SHISA7: variants seen among roughly 807,000 people sequenced by gnomAD.
SHISA7 encodes protein shisa-7.
SHISA7 carries 6 observed loss-of-function variants against 23.9 expected under a neutral mutation model. The observed-to-expected ratio is 0.25, with a 90% CI of 0.14 to 0.50. The LOEUF (loss-of-function observed/expected upper bound fraction) is 0.50, where lower values mean the gene tolerates loss of function less well. Ranked by LOEUF, SHISA7 falls within the 20% of genes least tolerant of loss-of-function variation. The pLI is 0.98. For synonymous variants in SHISA7, 386 were observed against 398.3 expected (o/e 0.97, Z 0.37); for missense variants, 671 against 801.1 (o/e 0.84, Z 1.96).
chr19:55,442,561 GC>G lies in SHISA7; in HGVS notation c.302del (p.Gly101AlafsTer43). On this transcript the variant is annotated frameshift_variant, in exon 1 of 4. Transcript: ENST00000376325. LOFTEE classifies it high-confidence loss of function. The part of the protein sequence containing the change: ...QYDATFNCST[G>X]SYRFCCGTCH... Reference sequence around the variant, plus strand: ...AGGTGCCACAGCAGAAGCGGTAGGAGCCGGTGCTGCAGTTGAAGGTGGCGTC... The same window carrying G: ...AGGTGCCACAGCAGAAGCGGTAGGAGCGGTGCTGCAGTTGAAGGTGGCGTC... 6.8e-7 allele frequency: 1 copy of G among 1,479,486 alleles called. No individual in the cohort carries two copies. The highest frequency in any genetic ancestry group is 9.0e-7 in the Non-Finnish European group (1 of 1,110,278). The allele number at this position is 1,479,486 out of a possible 1,614,324, so 91.6% of individuals were successfully genotyped here.
intron 3 of SHISA7, among the ~76,000 whole-genome samples, chr19:55,434,900 G>GTA (rs1985376863): frequency 7.9e-6 from 1 of 126,868 alleles, no homozygotes; most frequent in Non-Finnish European, 1.6e-5. Flanking sequence ...TGGTGTGTGT[G>GTA]GTGTGTGTGT....
In SHISA7 at chr19:55,432,823, C is replaced by T. The variant is rs1985242344; in HGVS notation, c.*333G>A. The T allele has an allele frequency of 3.6e-6, 1 of 280,540 alleles. No homozygotes were observed. The highest frequency in any genetic ancestry group is 6.7e-6 in the Non-Finnish European group (1 of 148,596). The allele number at this position is 280,540 out of a possible 1,614,324, so 17.4% of individuals were successfully genotyped here. A position where few individuals can be genotyped will look rare whatever the true frequency, so the allele number is the denominator to read the frequency against. On this transcript the variant is annotated 3_prime_UTR_variant, in exon 4 of 4. Coordinates refer to ENST00000376325, the MANE Select transcript of SHISA7 (RefSeq NM_001145176.2). This position sits in a 1 kb window ranked among gnomAD's most constrained non-coding sequence, Gnocchi z 4.6. ...CATGGACATGGCCTCCAGCGCTGAC[C>T]TCACGGGCCGGCCTCTTCCTCTGTG...
In SHISA7 at chr19:55,430,783, T is replaced by TGACA. The variant is rs1389470958; in HGVS notation, c.*2369_*2372dup. 101 of 150,874 alleles carry TGACA rather than the reference T, an allele frequency of 6.7e-4. No homozygotes were observed. The highest frequency in any genetic ancestry group is 2.1e-3 in the African/African-American group (86 of 40,706). The allele number at this position is 150,874 out of a possible 1,614,324, so 9.3% of individuals were successfully genotyped here. ...GGTTATGGCGGATCCTAGTGGATGG[T>TGACA]GACAGCACTGGACCTCATGGATCCT... On this transcript the variant is annotated 3_prime_UTR_variant, in exon 4 of 4. Transcript: ENST00000376325.
In SHISA7 at chr19:55,442,352, C is replaced by T. The variant is rs751540491; in HGVS notation, c.512G>A (p.Gly171Glu). Residue 171 changes from glycine (G) to glutamate (E), a missense_variant, in exon 1 of 4, where the codon GGG becomes GAG. Gly to Glu is a moderately conservative substitution (Grantham distance 98, BLOSUM62 -2). Transcript: ENST00000376325. ...QAGWLEGGRTGGAGGRGGEGP... is the reference protein window; with the variant it reads ...QAGWLEGGRTEGAGGRGGEGP... ...CTCGCCCCCGCGGCCCCCGGCACCC[C>T]CAGTCCGGCCCCCTTCCAACCACCC... 41 of 1,445,208 alleles carry T rather than the reference C, an allele frequency of 2.8e-5. 1 individual carries two copies. The South Asian group carries it at 5.3e-4, about 19-fold the overall frequency. 89.5% of individuals were successfully genotyped at this position (1,445,208 alleles called of 1,614,324 possible). A position where few individuals can be genotyped will look rare whatever the true frequency, so the allele number is the denominator to read the frequency against.
intron 2 of SHISA7, 85 bp downstream of exon 2, chr19:55,440,526 G>A (rs2123356986): frequency 1.7e-6 from 2 of 1,203,344 alleles, no homozygotes; most frequent in South Asian, 4.2e-5. Flanking sequence ...GGCGATGGGG[G>A]TGGAGCCGCC....
chr19:55,435,083 GTGTGTGGT>G (rs1985398784), intron 3 of SHISA7, among the ~76,000 whole-genome samples: 4 of 52,294 alleles, frequency 7.6e-5, no homozygotes, highest in African/African-American at 2.7e-4. Flanking sequence ...TGTGTGTGGT[GTGTGTGGT>G]GTGTGTGTAT....
rs1213082805 is a variant in SHISA7, at chr19:55,433,808, G to C, written c.977-12C>G. On this transcript the variant is annotated splice_polypyrimidine_tract_variant and intron_variant, in intron 3 of 3. Coordinates refer to ENST00000376325, the MANE Select transcript of SHISA7 (RefSeq NM_001145176.2). This position sits in a 1 kb window ranked among gnomAD's most constrained non-coding sequence, Gnocchi z 8.4. ...CAGATCCTTCTCGGCTGCGGGGAGA[G>C]GGGGAAAAGCCACAGCCGTGGGTCC... The C allele has an allele frequency of 1.4e-6, 2 of 1,387,472 alleles. No individual in the cohort carries two copies. The highest frequency in any genetic ancestry group is 1.5e-5 in the African/African-American group (1 of 65,584). The allele number at this position is 1,387,472 out of a possible 1,614,324, so 85.9% of individuals were successfully genotyped here.
rs1599873682 is a variant in SHISA7, at chr19:55,437,878, C to T, written c.827-124G>A. The T allele has an allele frequency of 3.2e-6, 4 of 1,236,238 alleles. No homozygotes were observed. In the Admixed American group the frequency reaches 8.7e-5, roughly 27 times the overall value. 76.6% of individuals were successfully genotyped at this position (1,236,238 alleles called of 1,614,324 possible). A position where few individuals can be genotyped will look rare whatever the true frequency, so the allele number is the denominator to read the frequency against. On this transcript the variant is annotated intron_variant, in intron 2 of 3. Transcript: ENST00000376325. Reference sequence around the variant, plus strand: ...AAACCCAGCCCCTCTTCCTTCAGACCCAGGAGTGCAGGCCCCCAGCCCCTC... The same window carrying T: ...AAACCCAGCCCCTCTTCCTTCAGACTCAGGAGTGCAGGCCCCCAGCCCCTC...
intron 2 of SHISA7, among the ~76,000 whole-genome samples, chr19:55,439,829 G>A (rs1391265057): frequency 1.4e-5 from 2 of 146,502 alleles, no homozygotes; most frequent in Non-Finnish European, 3.0e-5. Flanking sequence ...CCCTTCTAAC[G>A]CCTCTCCTCC....
At position 55,441,648 on chromosome 19, in the gene SHISA7, T is replaced by C. The variant is rs569805776; in HGVS notation, c.671+545A>G. The stretch of plus-strand genomic sequence containing the variant: ...TTTCCGCTGATTTTCTTCACAGCAG[T>C]CATCTAAAATTACACTGCACATGCT... On this transcript the variant is annotated intron_variant, in intron 1 of 3. Transcript: ENST00000376325. Among the ~76,000 whole-genome samples, 102 of 152,266 alleles carry C rather than the reference T, an allele frequency of 6.7e-4. 3 individuals are homozygous for C. In the South Asian group the frequency reaches 0.021, roughly 31 times the overall value.
intron 3 of SHISA7, among the ~76,000 whole-genome samples, chr19:55,435,447 G>T (rs1807354076): frequency 6.7e-6 from 1 of 149,822 alleles, no homozygotes; most frequent in Non-Finnish European, 1.5e-5. Context: ...TAAAGGATGA[G>T]ATTTAGTTTA....
chr19:55,435,122 GGTGTGTGTGGTGTATGTGTATGGTGT>G, intron 3 of SHISA7, among the ~76,000 whole-genome samples: 1 of 115,038 alleles, frequency 8.7e-6, no homozygotes, highest in South Asian at 3.4e-4. Context: ...TGGTGTGTGT[GGTGTGTGTGGTGTATGTGTATGGTGT>G]GTGTGTGTGG....
At position 55,433,904 on chromosome 19, in the gene SHISA7, G is replaced by A; in HGVS notation, c.977-108C>T. On this transcript the variant is annotated intron_variant, in intron 3 of 3. Coordinates refer to ENST00000376325, the MANE Select transcript of SHISA7 (RefSeq NM_001145176.2). This position sits in a 1 kb window ranked among gnomAD's most constrained non-coding sequence, Gnocchi z 8.4. The stretch of plus-strand genomic sequence containing the variant: ...TCCTATGCTCCTTGTGCCCCCACAA[G>A]GATCCTGGGCATCAGGCTAGCTGTG... 1 of 1,249,828 alleles carries A rather than the reference G, an allele frequency of 8.0e-7. No individual in the cohort carries two copies. 77.4% of individuals were successfully genotyped at this position (1,249,828 alleles called of 1,614,324 possible).
At chr19:55,435,116 GTGTGTGGT>G in intron 3 of SHISA7, among the ~76,000 whole-genome samples, 2 of 123,240 alleles carry the variant, frequency 1.6e-5, no homozygotes, top group Non-Finnish European at 3.4e-5. Context: ...TGTGTGTGGT[GTGTGTGGT>G]GTGTGTGGTG....
intron 3 of SHISA7, among the ~76,000 whole-genome samples, chr19:55,434,329 GTGGTGTGTGTGC>G (rs1348994434): frequency 1.1e-4 from 15 of 137,254 alleles, no homozygotes; most frequent in Middle Eastern, 4.0e-3. Context: ...TGTGTGGTGT[GTGGTGTGTGTGC>G]GTGTGTGGTG....
intron 3 of SHISA7, among the ~76,000 whole-genome samples, chr19:55,436,115 C>G (rs922631216): frequency 4.0e-5 from 6 of 151,664 alleles, no homozygotes; most frequent in Non-Finnish European, 7.4e-5. Context: ...GGTGAAACCC[C>G]GTCTCTATTA....
chr19:55,442,401 C>T lies in SHISA7; in HGVS notation c.463G>A (p.Gly155Arg), dbSNP rs1037966359. 4.4e-6 allele frequency: 6 copies of T among 1,371,212 alleles called. No individual in the cohort carries two copies. In the African/African-American group the frequency reaches 7.6e-5, roughly 17 times the overall value. The allele number at this position is 1,371,212 out of a possible 1,614,324, so 84.9% of individuals were successfully genotyped here. A position where few individuals can be genotyped will look rare whatever the true frequency, so the allele number is the denominator to read the frequency against. The change falls in exon 1 of 4, where the codon GGG (glycine) becomes AGG (arginine). Residue 155 changes from glycine to arginine, a missense_variant. By Grantham distance (125) the Gly-to-Arg change is moderately radical (BLOSUM62 -2). Transcript: ENST00000376325. ...GGAGGAGGAGGGPGPGQAGWL... is the reference protein window; with the variant it reads ...GGAGGAGGAGRGPGPGQAGWL... ...CCGGCCTGGCCGGGCCCTGGCCCCCCGCCCGCACCCCCAGCGCCCCCGGCG... is the reference window on the plus strand; with the variant it reads ...CCGGCCTGGCCGGGCCCTGGCCCCCTGCCCGCACCCCCAGCGCCCCCGGCG...
At chr19:55,438,546 G>T in intron 2 of SHISA7, 1 of 1,304,214 alleles carries the variant, frequency 7.7e-7, no homozygotes, top group Non-Finnish European at 1.0e-6. Context: ...TCCGCAGCCG[G>T]GCCCTCTTCC....
At chr19:55,438,750 G>T in intron 2 of SHISA7, 3 of 640,312 alleles carry the variant, frequency 4.7e-6, no homozygotes, top group South Asian at 1.6e-5. Context: ...CCTCGTTAGA[G>T]CTCCACAGAT....
Sources: allele counts gnomAD v4.1 joint callset (sites outside exome capture counted in the v4.1 genomes callset), GRCh38; gene constraint gnomAD v4.1.1; non-coding constraint Gnocchi (gnomAD v3.1); transcripts MANE v1.5; gene names NCBI Gene and HGNC (gene_info 2026-07-23, HGNC 2026-07-21).